Variants in ATR observed in about 807,000 individuals in gnomAD.
The protein encoded by ATR is serine/threonine-protein kinase ATR.
A neutral mutation model predicts 305.3 loss-of-function variants in ATR; 142 were observed. That is an observed-to-expected ratio of 0.47 (90% CI 0.41 to 0.53). The LOEUF is 0.53. ATR is among the 20% of genes least tolerant of loss of function. The probability of loss-of-function intolerance (pLI) is 0.00; values close to 1 mark genes in which losing one functional copy is unlikely to be tolerated. For missense variants in ATR, 2,135 were observed against 3,133.1 expected (o/e 0.68, Z 7.60); for synonymous variants, 1,050 against 1,068.1 (o/e 0.98, Z 0.33).
chr3:142,531,705 G>T (rs2033654481), intron 21 of ATR, among the ~76,000 whole-genome samples: 1 of 151,434 alleles, frequency 6.6e-6, no homozygotes, highest in Non-Finnish European at 1.5e-5. Flanking sequence ...GAATAGTGCT[G>T]CAATAAACAT....
intron 13 of ATR, among the ~76,000 whole-genome samples, chr3:142,552,409 C>G (rs1316576973): frequency 6.6e-6 from 1 of 152,144 alleles, no homozygotes; most frequent in Non-Finnish European, 1.5e-5. Flanking sequence ...GTGGCTCATG[C>G]CTGTAATCCT....
chr3:142,488,052 G>C (rs1381043371), intron 35 of ATR, among the ~76,000 whole-genome samples: 2 of 152,186 alleles, frequency 1.3e-5, no homozygotes, highest in African/African-American at 2.4e-5. Flanking sequence ...GGGCCTGTTT[G>C]CCCTCTGGCT....
At chr3:142,558,913 C>T (rs1162966979) in intron 7 of ATR, 137 bp from the exon 8 acceptor site, 4 of 916,022 alleles carry the variant, frequency 4.4e-6, no homozygotes, top group East Asian at 5.4e-5. Flanking sequence ...GATCTATAAA[C>T]GATGGTCTGA....
intron 35 of ATR, among the ~76,000 whole-genome samples, chr3:142,492,064 A>G (rs190491436): frequency 6.6e-6 from 1 of 152,250 alleles, no homozygotes; most frequent in Admixed American, 6.5e-5. Context: ...TGCTTTAAAG[A>G]GTGTTAGGCT....
At chr3:142,557,067 C>T (rs2034697628) in intron 8 of ATR, among the ~76,000 whole-genome samples, 1 of 152,070 alleles carries the variant, frequency 6.6e-6, no homozygotes. Flanking sequence ...AATAATGCTT[C>T]TCAAACTTTA....
chr3:142,560,812 G>A (rs1250640647), intron 5 of ATR, among the ~76,000 whole-genome samples: 1 of 152,106 alleles, frequency 6.6e-6, no homozygotes, highest in Admixed American at 6.5e-5. Flanking sequence ...TGCCCGCCTC[G>A]GCCTCCCAAA....
intron 40 of ATR, 162 bp from the exon 41 acceptor site, chr3:142,465,402 C>T (rs534652625): frequency 2.0e-6 from 1 of 492,004 alleles, no homozygotes; most frequent in South Asian, 4.2e-5. Context: ...TTATCTATGA[C>T]CTATGAAAAG....
chr3:142,562,148 CTTA>C lies in ATR; in HGVS notation c.1170+81_1170+83del, dbSNP rs200229507. The stretch of plus-strand genomic sequence containing the variant: ...ATTACTATTAAAGATATTCTATTTT[CTTA>C]TTATTACATTTTGCACATATGTATA... On this transcript the variant is annotated intron_variant, in intron 4 of 46. Coordinates refer to ENST00000350721, the MANE Select transcript of ATR (RefSeq NM_001184.4). The C allele has an allele frequency of 0.02, 26,928 of 1,377,056 alleles. 351 individuals are homozygous for C. Among genetic ancestry groups the C allele is most frequent in the South Asian group, 0.041 (3,161 of 76,902 alleles). 85.3% of individuals were successfully genotyped at this position (1,377,056 alleles called of 1,614,324 possible). A position where few individuals can be genotyped will look rare whatever the true frequency, so the allele number is the denominator to read the frequency against.
intron 46 of ATR, chr3:142,452,400 C>T (rs1022114378): frequency 9.1e-6 from 9 of 987,252 alleles, no homozygotes; most frequent in Non-Finnish European, 1.1e-5. Flanking sequence ...CTGAGCTAGG[C>T]ACAGTGGCTT....
chr3:142,466,301 A>G (rs775768445), intron 40 of ATR, 23 bp downstream of exon 40: 3 of 1,594,190 alleles, frequency 1.9e-6, no homozygotes, highest in Non-Finnish European at 2.6e-6. Context: ...TTAAAATCAT[A>G]GTCATATAAA....
chr3:142,557,794 G>A lies in ATR; in HGVS notation c.1885+830C>T, dbSNP rs141506530. ...ACTACAGGCGTGAGCCACCATGCCT[G>A]GCTAATTTTTGTATTTTTAGAAGAG... On this transcript the variant is annotated intron_variant, in intron 8 of 46. Transcript: ENST00000350721. Among the ~76,000 whole-genome samples the A allele has an allele frequency of 2.8e-4, 43 of 152,126 alleles. No homozygotes were observed. The East Asian group carries it at 7.6e-3, about 27-fold the overall frequency.
chr3:142,512,344 G>A lies in ATR; in HGVS notation c.4768C>T (p.Gln1590Ter), dbSNP rs1188574425. ...GCCTGAAATTTGTGCCTTGCCCACTGTGTGAGATGGTCAAGCATGGAGAAC... is the reference window on the plus strand; with the variant it reads ...GCCTGAAATTTGTGCCTTGCCCACTATGTGAGATGGTCAAGCATGGAGAAC... ...TVFSMLDHLTQWARHKFQALK... is the reference protein window; with the variant it reads ...TVFSMLDHLT The change falls in exon 27 of 47, where the codon CAG (glutamine) becomes TAG (stop). Residue 1590 changes from glutamine (Q) to a stop codon, truncating the protein, a stop_gained. Coordinates refer to ENST00000350721, the MANE Select transcript of ATR (RefSeq NM_001184.4). LOFTEE classifies it high-confidence loss of function. The A allele has an allele frequency of 3.1e-6, 5 of 1,613,778 alleles. No individual in the cohort carries two copies.
At chr3:142,558,601 C>T (rs551997286) in intron 8 of ATR, 23 bp downstream of exon 8, 4 of 1,597,190 alleles carry the variant, frequency 2.5e-6, no homozygotes, top group African/African-American at 1.3e-5. Context: ...ACAAACCACA[C>T]ACACATTCTT....
Position 142,459,009 on chromosome 3 carries a change from A to G in ATR, c.7452T>C (p.Asp2484=), listed in dbSNP as rs1187104121. The G allele has an allele frequency of 6.2e-7, 1 of 1,613,850 alleles. No individual in the cohort carries two copies. The highest frequency in any genetic ancestry group is 8.5e-7 in the Non-Finnish European group (1 of 1,179,844). The change falls in exon 44 of 47, where the codon GAT becomes GAC. Residue 2484 remains aspartate, a synonymous_variant. Coordinates refer to ENST00000350721, the MANE Select transcript of ATR (RefSeq NM_001184.4). ...CATGTACGCATTCACCAGTCAAAGA[A>G]TCAAAGAGAATATTTTCACCATGAC... ...GDRHGENILF[D]SLTGECVHVD... is the part of the protein sequence containing the mutation.
intron 1 of ATR, among the ~76,000 whole-genome samples, chr3:142,569,306 G>GT (rs999137058): frequency 2.0e-5 from 3 of 152,072 alleles, no homozygotes; most frequent in South Asian, 2.1e-4. Flanking sequence ...TTTTCTGGGT[G>GT]TTTTTTTATT....
At chr3:142,477,390 A>G (rs988813240) in intron 36 of ATR, among the ~76,000 whole-genome samples, 9 of 152,172 alleles carry the variant, frequency 5.9e-5, no homozygotes, top group Non-Finnish European at 1.2e-4. Flanking sequence ...AGGATGGATT[A>G]CATTTGTTGA....
chr3:142,466,932 G>A (rs1257959006), intron 39 of ATR, among the ~76,000 whole-genome samples: 1 of 152,090 alleles, frequency 6.6e-6, no homozygotes, highest in Non-Finnish European at 1.5e-5. Context: ...TGCCACAAAG[G>A]TTTCAGATAA....
chr3:142,513,540 C>T lies in ATR; in HGVS notation c.4602G>A (p.Val1534=), dbSNP rs371438589. 1 of 1,613,206 alleles carries T rather than the reference C, an allele frequency of 6.2e-7. No individual in the cohort carries two copies. The highest frequency in any genetic ancestry group is 8.5e-7 in the Non-Finnish European group (1 of 1,179,446). ...VTIYLLPHIL[V]YVLLGCNQED... The stretch of plus-strand genomic sequence containing the variant: ...CTTGATTACAACCCAGTAAGACATA[C>T]ACCAGAATATGTGGAAGAAGATAGA... The change falls in exon 26 of 47, where the codon GTG becomes GTA. Residue 1534 remains valine, a synonymous_variant. Transcript: ENST00000350721.
At chr3:142,567,333 T>G (rs919683426) in intron 2 of ATR, among the ~76,000 whole-genome samples, 2 of 152,096 alleles carry the variant, frequency 1.3e-5, no homozygotes, top group African/African-American at 4.8e-5. Context: ...GAAGGGCAAG[T>G]AGTCTAAACG....
Sources: gnomAD v4.1 joint callset for allele counts (sites outside exome capture counted in the v4.1 genomes callset) on GRCh38, gnomAD v4.1.1 for gene constraint, MANE v1.5 for transcripts, NCBI Gene and HGNC (gene_info 2026-07-23, HGNC 2026-07-21) for gene names.